Variants in STK11IP observed in about 807,000 individuals in gnomAD.
STK11IP encodes the protein serine/threonine-protein kinase 11-interacting protein.
In STK11IP, 103 loss-of-function variants were observed where a neutral mutation model predicts 131.7. That is an observed-to-expected ratio of 0.78 (90% confidence interval 0.67 to 0.92). The LOEUF is 0.92. Ranked by LOEUF, STK11IP falls within the 40% of genes least tolerant of loss-of-function variation. STK11IP has a pLI of 0.00. For missense variants in STK11IP, 1,315 were observed against 1,385.7 expected (o/e 0.95, Z 0.81); for synonymous variants, 557 against 575.6 (o/e 0.97, Z 0.46).
intron 7 of STK11IP, among the ~76,000 whole-genome samples, chr2:219,603,943 T>C (rs947462895): frequency 6.6e-6 from 1 of 151,968 alleles, no homozygotes; most frequent in African/African-American, 2.4e-5. Context: ...AGTGAGGGAA[T>C]AGGAAGGGGA....
At chr2:219,607,242 G>T (rs1698222810) in intron 13 of STK11IP, 105 bp downstream of exon 13, 2 of 1,192,968 alleles carry the variant, frequency 1.7e-6, no homozygotes, top group East Asian at 2.5e-5. Context: ...TTTTGTTGGG[G>T]TAGAGTATTA....
intron 13 of STK11IP, 60 bp from the exon 14 acceptor site, chr2:219,607,987 G>A: frequency 6.4e-7 from 1 of 1,563,166 alleles, no homozygotes; most frequent in Non-Finnish European, 8.7e-7. Context: ...CACCGTTGAA[G>A]GATTTGGGGC....
chr2:219,606,144 G>T, intron 9 of STK11IP, 51 bp from the exon 10 acceptor site: 1 of 1,538,984 alleles, frequency 6.5e-7, no homozygotes. Context: ...TCTTCACACA[G>T]GGAGGGCCAG....
At chr2:219,601,896 T>G (rs1697997990) in intron 4 of STK11IP, 92 bp from the exon 5 acceptor site, 1 of 1,318,924 alleles carries the variant, frequency 7.6e-7, no homozygotes, top group Admixed American at 2.0e-5. Flanking sequence ...CTGGGCTTTG[T>G]GGTCTTCTCC....
intron 15 of STK11IP, 126 bp downstream of exon 15, chr2:219,608,914 C>A: frequency 8.2e-7 from 1 of 1,221,978 alleles, no homozygotes; most frequent in Non-Finnish European, 1.1e-6. Flanking sequence ...AGGGGAGCCT[C>A]AGAGGTTGCA....
intron 11 of STK11IP, 80 bp downstream of exon 11, chr2:219,606,597 G>T (rs1354277083): frequency 6.2e-7 from 1 of 1,607,238 alleles, no homozygotes; most frequent in African/African-American, 1.3e-5. Context: ...GGGCTGGCTG[G>T]TGACAGGGTC....
chr2:219,601,579 G>C, intron 3 of STK11IP, 62 bp from the exon 4 acceptor site: 1 of 1,557,194 alleles, frequency 6.4e-7, no homozygotes, highest in South Asian at 1.2e-5. Context: ...GCTAAGGAAG[G>C]AATGTTGAGG....
rs1698024504 is a variant in STK11IP, at chr2:219,602,594, A to G, written c.546+19A>G. The G allele has an allele frequency of 8.1e-6, 13 of 1,613,004 alleles. No homozygotes were observed. The highest frequency in any genetic ancestry group is 1.7e-5 in the Admixed American group (1 of 60,020). On this transcript the variant is annotated intron_variant, in intron 6 of 24. Transcript: ENST00000456909. ...CTCCCTGGTGAGTGCCTCAGAGGGA[A>G]GAGGGTTTCGAGGAAGGGCAAGGCC...
intron 13 of STK11IP, 50 bp downstream of exon 13, chr2:219,607,187 C>T (rs746959610): frequency 5.1e-6 from 8 of 1,570,964 alleles, no homozygotes; most frequent in Non-Finnish European, 6.1e-6. Flanking sequence ...CGAGCTCACT[C>T]TAATTTTTAA....
At chr2:219,615,685 C>T (rs534005251) in intron 24 of STK11IP, 22 of 638,088 alleles carry the variant, frequency 3.4e-5, no homozygotes, top group Admixed American at 1.1e-4. Context: ...TGAGGAGATA[C>T]GGTTACTGGT....
In STK11IP at chr2:219,602,043, T is replaced by G. The variant is rs1384410819; in HGVS notation, c.398T>G (p.Leu133Arg). 6.2e-7 allele frequency: 1 copy of G among 1,610,964 alleles called. No individual in the cohort carries two copies. Among genetic ancestry groups the G allele is most frequent in the Non-Finnish European group, 8.5e-7 (1 of 1,178,798 alleles). Residue 133 changes from leucine (L) to arginine (R), a missense_variant, in exon 5 of 25, where the codon CTG becomes CGG. By Grantham distance (102) the Leu-to-Arg change is moderately radical. Transcript: ENST00000456909. Reference protein sequence around the residue: ...LHGLRGIYSQLETLICSRSLQ... With the variant: ...LHGLRGIYSQRETLICSRSLQ... ...GGCCTCCGAGGCATCTACTCCCAGC[T>G]GGAGACCCTGATTTGCAGCAGGAGC...
rs765434810 is a variant in STK11IP at position 219,611,626 on chromosome 2, CTG to C, written c.2130_2131del (p.Cys710TrpfsTer2). The C allele has an allele frequency of 6.8e-6, 11 of 1,613,068 alleles. No homozygotes were observed. The highest frequency in any genetic ancestry group is 6.7e-5 in the African/African-American group (5 of 74,900). On this transcript the variant is annotated frameshift_variant, in exon 18 of 25. Transcript: ENST00000456909. LOFTEE classifies it high-confidence loss of function. ...CAGAATCTCCTGCTGTGTGTCCTAACTGTGGTAGTGACCACGTGGTTCTCCTC... is the reference window on the plus strand; with the variant it reads ...CAGAATCTCCTGCTGTGTGTCCTAACTGGTAGTGACCACGTGGTTCTCCTC... Reference protein sequence around the residue: ...KTESPAVCPNCGSDHVVLLAV... With the variant: ...KTESPAVCPNXGSDHVVLLAV...
chr2:219,613,043 G>A, intron 19 of STK11IP, 85 bp from the exon 20 acceptor site: 2 of 1,048,100 alleles, frequency 1.9e-6, no homozygotes, highest in Non-Finnish European at 2.9e-6. Context: ...GGCCGAGGGT[G>A]CTGTCACCAG....
intron 22 of STK11IP, 27 bp downstream of exon 22, chr2:219,614,269 G>C (rs752312727): frequency 3.1e-6 from 5 of 1,610,864 alleles, no homozygotes; most frequent in East Asian, 4.5e-5. Context: ...CAGAGGCTGG[G>C]GTTGCTGCCC....
chr2:219,603,164 C>T (rs576118016), intron 7 of STK11IP, among the ~76,000 whole-genome samples: 3 of 151,460 alleles, frequency 2.0e-5, no homozygotes, highest in African/African-American at 7.3e-5. Flanking sequence ...GCTTCAGCCT[C>T]CCAAGTAGCT....
intron 19 of STK11IP, 45 bp downstream of exon 19, chr2:219,612,103 G>C: frequency 6.5e-7 from 1 of 1,537,254 alleles, no homozygotes; most frequent in Non-Finnish European, 8.8e-7. Flanking sequence ...TGTCCAGGGT[G>C]CCCACTCGTT....
rs1364329251 is a variant in STK11IP at position 219,607,109 on chromosome 2, G to A, written c.1191G>A (p.Glu397=). ...SISEPSDTDP[E]PRTLNPSPAG... ...CTGAACCCAGTGATACGGACCCGGA[G>A]CCCCGAACTCTGAACCCCTCTCCGG... Residue 397 remains glutamate, a synonymous_variant, in exon 13 of 25, where the codon GAG becomes GAA. Coordinates refer to ENST00000456909, the MANE Select transcript of STK11IP (RefSeq NM_052902.4). The A allele has an allele frequency of 6.2e-7, 1 of 1,613,918 alleles. No homozygotes were observed. Among genetic ancestry groups the A allele is most frequent in the African/African-American group, 1.3e-5 (1 of 75,052 alleles).
intron 12 of STK11IP, 93 bp from the exon 13 acceptor site, chr2:219,606,960 G>T (rs1698188507): frequency 1.9e-6 from 3 of 1,598,742 alleles, no homozygotes; most frequent in Non-Finnish European, 2.6e-6. Flanking sequence ...CTTGCACGTG[G>T]TCAAGGTTTC....
At position 219,606,228 on chromosome 2, in the gene STK11IP, C is replaced by A. The variant is rs1305383094; in HGVS notation, c.883C>A (p.Pro295Thr). The A allele has an allele frequency of 6.4e-7, 1 of 1,571,562 alleles. No individual in the cohort carries two copies. The highest frequency in any genetic ancestry group is 8.6e-7 in the Non-Finnish European group (1 of 1,158,258). ...YLEGNPLWFH[P>T]EHRAATAQYL... ...GGAGGGGAACCCTCTTTGGTTCCAC[C>A]CTGAGCACCGAGCAGCCACTGCCCA... The change falls in exon 10 of 25, where the codon CCT (proline) becomes ACT (threonine). Residue 295 changes from proline to threonine, a missense_variant. Physicochemically the swap from Pro to Thr is conservative, Grantham distance 38. Coordinates refer to ENST00000456909, the MANE Select transcript of STK11IP (RefSeq NM_052902.4).
Sources: allele counts gnomAD v4.1 joint callset (sites outside exome capture counted in the v4.1 genomes callset), GRCh38; gene constraint gnomAD v4.1.1; transcripts MANE v1.5; gene names NCBI Gene and HGNC (gene_info 2026-07-23, HGNC 2026-07-21).